Variants in SPIRE1 observed in about 807,000 individuals in gnomAD.
The protein encoded by SPIRE1 is spire type actin nucleation factor 1.
A neutral mutation model predicts 94.1 loss-of-function variants in SPIRE1; 40 were observed. The observed-to-expected ratio is 0.43, with a 90% CI of 0.33 to 0.55. The LOEUF (loss-of-function observed/expected upper bound fraction) is 0.55, where lower values mean the gene tolerates loss of function less well. SPIRE1 is among the 20% of genes least tolerant of loss of function. The pLI, the probability that SPIRE1 is intolerant of heterozygous loss-of-function variation, is 0.06. For missense variants in SPIRE1, 838 were observed against 975.2 expected, an observed-to-expected ratio of 0.86 and a Z score of 1.87; for synonymous variants, 376 against 371.7, an observed-to-expected ratio of 1.01 and a Z score of -0.13.
chr18:12,463,781 T>G (rs1043430751), intron 11 of SPIRE1, among the ~76,000 whole-genome samples: 13 of 152,158 alleles, frequency 8.5e-5, no homozygotes, highest in Middle Eastern at 3.2e-3. Context: ...CTTTTTACAT[T>G]CTCCTTTTTA....
intron 2 of SPIRE1, among the ~76,000 whole-genome samples, chr18:12,607,270 C>A (rs1398962635): frequency 6.6e-6 from 1 of 152,144 alleles, no homozygotes; most frequent in African/African-American, 2.4e-5. Context: ...TTGTATCTTA[C>A]ACGTTTTTCT....
intron 9 of SPIRE1, among the ~76,000 whole-genome samples, chr18:12,485,396 C>T (rs886951650): frequency 2.0e-5 from 3 of 152,164 alleles, no homozygotes; most frequent in Non-Finnish European, 2.9e-5. Context: ...TGAGCCACCG[C>T]GCCCGGCCTG....
rs764421960 is a variant in SPIRE1, at chr18:12,493,224, A to G, written c.1060-23T>C. The G allele has an allele frequency of 1.2e-5, 19 of 1,601,128 alleles. No individual in the cohort carries two copies. The East Asian group carries it at 2.9e-4, about 24-fold the overall frequency. On this transcript the variant is annotated intron_variant, in intron 7 of 16. Transcript: ENST00000409402. Reference sequence around the variant, plus strand: ...GACCTTGAAAGTAAGAAAAATGGCTAAAGACTTCAGTAATTAAGTAATTTT... The same window carrying G: ...GACCTTGAAAGTAAGAAAAATGGCTGAAGACTTCAGTAATTAAGTAATTTT...
At chr18:12,455,114 T>G (rs1342646397) in intron 12 of SPIRE1, among the ~76,000 whole-genome samples, 1 of 151,972 alleles carries the variant, frequency 6.6e-6, no homozygotes, top group Non-Finnish European at 1.5e-5. Context: ...TTTTTTGTAT[T>G]TTTTGCAGAG....
chr18:12,508,044 G>A (rs1377912398), intron 5 of SPIRE1, among the ~76,000 whole-genome samples: 9 of 152,084 alleles, frequency 5.9e-5, no homozygotes, highest in Non-Finnish European at 1.0e-4. Flanking sequence ...TACTCAGGAG[G>A]CTGAGGCAGG....
At chr18:12,627,594 C>T (rs1295246256) in intron 2 of SPIRE1, among the ~76,000 whole-genome samples, 3 of 152,180 alleles carry the variant, frequency 2.0e-5, no homozygotes, top group Non-Finnish European at 2.9e-5. Context: ...ATCACTAGGT[C>T]AAATGGTATT....
intron 8 of SPIRE1, among the ~76,000 whole-genome samples, chr18:12,486,624 C>T (rs2143815397): frequency 6.6e-6 from 1 of 152,328 alleles, no homozygotes; most frequent in South Asian, 2.1e-4. Context: ...GTTACTTAAC[C>T]TCTCTGTGCT....
At chr18:12,609,431 TG>T (rs35394547) in intron 2 of SPIRE1, among the ~76,000 whole-genome samples, 11,140 of 152,078 alleles carry the variant, frequency 0.073, 566 homozygotes, top group Non-Finnish European at 0.11. Context: ...AATTTGTGTT[TG>T]GGGGGTTTTT....
intron 2 of SPIRE1, among the ~76,000 whole-genome samples, chr18:12,579,724 G>A (rs2036206936): frequency 6.6e-6 from 1 of 152,168 alleles, no homozygotes; most frequent in African/African-American, 2.4e-5. Context: ...CCCCTTACTT[G>A]CCAGGGGTTA....
chr18:12,487,793 G>A (rs186315489), intron 8 of SPIRE1, among the ~76,000 whole-genome samples: 4 of 152,250 alleles, frequency 2.6e-5, no homozygotes, highest in Non-Finnish European at 4.4e-5. Flanking sequence ...CTTTAAATGA[G>A]TGAATTTTAT....
intron 2 of SPIRE1, among the ~76,000 whole-genome samples, chr18:12,624,557 A>G (rs1263997377): frequency 6.6e-6 from 1 of 150,744 alleles, no homozygotes; most frequent in African/African-American, 2.4e-5. Flanking sequence ...AAAAAAAAAA[A>G]AAAATCTACA....
chr18:12,572,035 AG>A (rs1366326660), intron 2 of SPIRE1, among the ~76,000 whole-genome samples: 1 of 152,206 alleles, frequency 6.6e-6, no homozygotes, highest in Non-Finnish European at 1.5e-5. Flanking sequence ...GATCAGTAGG[AG>A]TTATACAGGA....
chr18:12,552,160 C>T (rs2035369659), intron 2 of SPIRE1, among the ~76,000 whole-genome samples: 1 of 152,166 alleles, frequency 6.6e-6, no homozygotes, highest in Middle Eastern at 3.4e-3. Flanking sequence ...GCAAGCCTTA[C>T]CACTGCGTGC....
intron 1 of SPIRE1, among the ~76,000 whole-genome samples, chr18:12,650,721 A>G (rs1598586030): frequency 6.7e-6 from 1 of 149,576 alleles, no homozygotes; most frequent in East Asian, 2.0e-4. Context: ...GAAAAAAAAA[A>G]AAAAAAAATT....
At chr18:12,541,266 G>A (rs2035006650) in intron 3 of SPIRE1, among the ~76,000 whole-genome samples, 1 of 152,190 alleles carries the variant, frequency 6.6e-6, no homozygotes, top group African/African-American at 2.4e-5. Context: ...CTGGAATACG[G>A]AGAAATTTTT....
At chr18:12,558,600 T>C (rs1352518205) in intron 2 of SPIRE1, among the ~76,000 whole-genome samples, 1 of 152,194 alleles carries the variant, frequency 6.6e-6, no homozygotes, top group Non-Finnish European at 1.5e-5. Flanking sequence ...AGCTGATTAG[T>C]CTGTTTTGAC....
chr18:12,641,621 C>G (rs917396958), intron 1 of SPIRE1, among the ~76,000 whole-genome samples: 1 of 151,966 alleles, frequency 6.6e-6, no homozygotes, highest in African/African-American at 2.4e-5. Context: ...CCCACCTCAG[C>G]CTCCCAAAGT....
intron 1 of SPIRE1, among the ~76,000 whole-genome samples, chr18:12,652,673 A>T (rs950225328): frequency 5.3e-5 from 8 of 152,050 alleles, no homozygotes; most frequent in African/African-American, 1.9e-4. Context: ...AATGCTAAAT[A>T]AACTCACTAA....
chr18:12,539,875 C>G (rs1273191165), intron 3 of SPIRE1, among the ~76,000 whole-genome samples: 1 of 149,068 alleles, frequency 6.7e-6, no homozygotes, highest in South Asian at 2.1e-4. Context: ...TGCAGTGAGC[C>G]GAGATCACGC....
Sources: gnomAD v4.1 joint callset for allele counts (sites outside exome capture counted in the v4.1 genomes callset) on GRCh38, gnomAD v4.1.1 for gene constraint, MANE v1.5 for transcripts, NCBI Gene and HGNC (gene_info 2026-07-23, HGNC 2026-07-21) for gene names.